XPR1: variants seen among roughly 807,000 people sequenced by gnomAD.
XPR1 encodes solute carrier family 53 member 1.
XPR1 carries 28 observed loss-of-function variants against 87.5 expected under a neutral mutation model. The observed-to-expected ratio is 0.32, with a 90% CI of 0.24 to 0.44. XPR1 has a LOEUF of 0.44. XPR1 is among the 20% of genes least tolerant of loss of function. The pLI is 1.00. For missense variants in XPR1, 559 were observed against 862.3 expected, an observed-to-expected ratio of 0.65 and a Z score of 4.41; for synonymous variants, 300 against 306.1, an observed-to-expected ratio of 0.98 and a Z score of 0.21.
intron 2 of XPR1, among the ~76,000 whole-genome samples, chr1:180,746,211 C>G (rs376450855): frequency 7.2e-5 from 11 of 152,164 alleles, no homozygotes; most frequent in African/African-American, 2.6e-4. Flanking sequence ...GTTAAGAAAT[C>G]CCTGTCACCT....
chr1:180,681,006 A>T (rs200224148), intron 1 of XPR1, among the ~76,000 whole-genome samples: 1 of 152,334 alleles, frequency 6.6e-6, no homozygotes, highest in East Asian at 1.9e-4. Flanking sequence ...ACCTAAGAAT[A>T]GTTGATCTCA....
At chr1:180,880,053 T>TCGA in intron 13 of XPR1, 23 bp from the exon 14 acceptor site, 1 of 1,613,500 alleles carries the variant, frequency 6.2e-7, no homozygotes, top group African/African-American at 1.3e-5. Context: ...CATAAGTACT[T>TCGA]TGATCTACCC....
chr1:180,848,690 A>T (rs1450911715), intron 11 of XPR1, among the ~76,000 whole-genome samples: 1 of 151,992 alleles, frequency 6.6e-6, no homozygotes, highest in Non-Finnish European at 1.5e-5. Flanking sequence ...CAAGTAGTGG[A>T]ATTGCTAGAT....
Position 180,886,635 on chromosome 1 carries a change from G to A in XPR1, c.*2569G>A, listed in dbSNP as rs1361202765. 6.6e-6 allele frequency: 1 copy of A among 152,232 alleles called. No individual in the cohort carries two copies. Among genetic ancestry groups the A allele is most frequent in the Admixed American group, 6.5e-5 (1 of 15,276 alleles). The allele number at this position is 152,232 out of a possible 1,614,324, so 9.4% of individuals were successfully genotyped here. ...GTAACTTTCAGCTTGCTATGTGACA[G>A]AAGTTTAAATGTGTATTTAAGTACA... On this transcript the variant is annotated 3_prime_UTR_variant, in exon 15 of 15. Transcript: ENST00000367590.
At chr1:180,682,824 G>C (rs1237178147) in intron 2 of XPR1, among the ~76,000 whole-genome samples, 1 of 151,738 alleles carries the variant, frequency 6.6e-6, no homozygotes, top group Non-Finnish European at 1.5e-5. Flanking sequence ...ATGGATGTGT[G>C]TGTGTGTGCG....
chr1:180,847,952 G>A (rs182130278), intron 11 of XPR1, among the ~76,000 whole-genome samples: 1 of 152,216 alleles, frequency 6.6e-6, no homozygotes, highest in Non-Finnish European at 1.5e-5. Context: ...TAGAAGGAAA[G>A]CATCTTATTT....
intron 2 of XPR1, among the ~76,000 whole-genome samples, chr1:180,733,225 A>C (rs1177850351): frequency 6.6e-6 from 1 of 152,188 alleles, no homozygotes; most frequent in African/African-American, 2.4e-5. Flanking sequence ...CAGGAAAACA[A>C]AAATGCCTGT....
rs1158091125 is a variant in XPR1, at chr1:180,886,671, T to G, written c.*2605T>G. The G allele has an allele frequency of 1.3e-5, 2 of 152,370 alleles. No homozygotes were observed. The highest frequency in any genetic ancestry group is 3.4e-3 in the Middle Eastern group (1 of 294). The allele number at this position is 152,370 out of a possible 1,614,324, so 9.4% of individuals were successfully genotyped here. On this transcript the variant is annotated 3_prime_UTR_variant, in exon 15 of 15. Transcript: ENST00000367590. ...GTGTATTTAAGTACACAGCTTTATGTTCCTCTTAAAGCTGTAAAGAGAAAA... is the reference window on the plus strand; with the variant it reads ...GTGTATTTAAGTACACAGCTTTATGGTCCTCTTAAAGCTGTAAAGAGAAAA...
At chr1:180,680,127 A>G (rs1187931163) in intron 1 of XPR1, among the ~76,000 whole-genome samples, 1 of 152,150 alleles carries the variant, frequency 6.6e-6, no homozygotes, top group East Asian at 1.9e-4. Flanking sequence ...GAAAATGCTT[A>G]ACATCACTCA....
chr1:180,781,727 G>A (rs1341439758), intron 2 of XPR1, among the ~76,000 whole-genome samples: 1 of 151,090 alleles, frequency 6.6e-6, no homozygotes, highest in East Asian at 1.9e-4. Context: ...GTGCAGACTT[G>A]TTACATATGT....
At chr1:180,758,058 A>C (rs1489339255) in intron 2 of XPR1, among the ~76,000 whole-genome samples, 1 of 151,582 alleles carries the variant, frequency 6.6e-6, no homozygotes, top group African/African-American at 2.4e-5. Flanking sequence ...ACCACCATAC[A>C]TGTCCTAAAG....
intron 1 of XPR1, among the ~76,000 whole-genome samples, chr1:180,675,257 A>G (rs1025634590): frequency 1.3e-5 from 2 of 152,120 alleles, no homozygotes; most frequent in East Asian, 1.9e-4. Context: ...AATGGGCTGG[A>G]GGAGAAAGAG....
chr1:180,775,385 G>A (rs1648673000), intron 2 of XPR1, among the ~76,000 whole-genome samples: 2 of 151,852 alleles, frequency 1.3e-5, no homozygotes, highest in Admixed American at 1.3e-4. Flanking sequence ...GGAGTTTTGA[G>A]ACCAGACTGG....
At chr1:180,636,224 T>C (rs1306716580) in intron 1 of XPR1, among the ~76,000 whole-genome samples, 5 of 152,222 alleles carry the variant, frequency 3.3e-5, no homozygotes, top group Non-Finnish European at 5.9e-5. Flanking sequence ...AAAGGTATTA[T>C]GTTGATTAGG....
intron 13 of XPR1, chr1:180,878,210 C>T (rs1440221158): frequency 6.6e-6 from 1 of 152,156 alleles, no homozygotes; most frequent in Admixed American, 6.5e-5. Flanking sequence ...AAGAAAAATA[C>T]CTCATGACGA....
intron 12 of XPR1, among the ~76,000 whole-genome samples, chr1:180,864,921 G>C (rs995299898): frequency 1.3e-5 from 2 of 152,180 alleles, no homozygotes; most frequent in African/African-American, 4.8e-5. Context: ...TGTTAAACTA[G>C]ATTATCTCTT....
chr1:180,801,953 C>T (rs1460227135), intron 3 of XPR1, among the ~76,000 whole-genome samples: 2 of 151,996 alleles, frequency 1.3e-5, no homozygotes, highest in African/African-American at 2.4e-5. Context: ...TGCACCACCA[C>T]GCCCGGCTAA....
intron 2 of XPR1, among the ~76,000 whole-genome samples, chr1:180,684,386 T>C (rs1399817725): frequency 6.6e-6 from 1 of 152,210 alleles, no homozygotes; most frequent in African/African-American, 2.4e-5. Flanking sequence ...TTTTGGTTAC[T>C]GTAGCCTTGT....
At chr1:180,694,849 A>G (rs112086644) in intron 2 of XPR1, among the ~76,000 whole-genome samples, 2,166 of 151,962 alleles carry the variant, frequency 0.014, 40 homozygotes, top group African/African-American at 0.05. Context: ...TATCTTGGCT[A>G]TTGTGAATAG....
Sources: allele counts gnomAD v4.1 joint callset (sites outside exome capture counted in the v4.1 genomes callset), GRCh38; gene constraint gnomAD v4.1.1; transcripts MANE v1.5; gene names NCBI Gene and HGNC (gene_info 2026-07-23, HGNC 2026-07-21).